INO80D: variants seen among roughly 807,000 people sequenced by gnomAD.
INO80D encodes the protein INO80 complex subunit D.
A neutral mutation model predicts 87.6 loss-of-function variants in INO80D; 21 were observed. The ratio of observed to expected loss-of-function variants is 0.24; its 90% CI spans 0.17 to 0.35. INO80D has a LOEUF of 0.35. Ranked by LOEUF, INO80D falls within the 10% of genes least tolerant of loss-of-function variation. The pLI, the probability that INO80D is intolerant of heterozygous loss-of-function variation, is 1.00. For missense variants in INO80D, 982 were observed against 1,280.7 expected (o/e 0.77, Z 3.56); for synonymous variants, 440 against 491.0 (o/e 0.90, Z 1.37).
At chr2:206,050,148 A>T (rs1172893772) in intron 4 of INO80D, among the ~76,000 whole-genome samples, 1 of 151,894 alleles carries the variant, frequency 6.6e-6, no homozygotes, top group Non-Finnish European at 1.5e-5. Context: ...AAGAAAAAAA[A>T]AATTTAAAAG....
At position 206,004,637 on chromosome 2, in the gene INO80D, G is replaced by C. The variant is rs368249003; in HGVS notation, c.2815C>G (p.Pro939Ala). 4 of 1,613,542 alleles carry C rather than the reference G, an allele frequency of 2.5e-6. No homozygotes were observed. Among genetic ancestry groups the C allele is most frequent in the Non-Finnish European group, 3.4e-6 (4 of 1,179,752 alleles). The change falls in exon 11 of 11, where the codon CCC becomes GCC. Residue 939 changes from proline (P) to alanine (A), a missense_variant. Coordinates refer to ENST00000403263, the MANE Select transcript of INO80D (RefSeq NM_017759.5). This position sits in a 1 kb window ranked among gnomAD's most constrained non-coding sequence, Gnocchi z 4.9. The stretch of plus-strand genomic sequence containing the variant: ...CCCGGAAGCACACTGGAGCTGCTGG[G>C]GGTCACGGTGGCGAAGGCAGGCTGT... ...TTQPAFATVT[P>A]SSSSVLPGLP... is the part of the protein sequence containing the mutation.
intron 5 of INO80D, among the ~76,000 whole-genome samples, chr2:206,032,491 G>A (rs939603904): frequency 3.3e-5 from 5 of 152,188 alleles, no homozygotes; most frequent in African/African-American, 1.2e-4. Context: ...CCATTGATCT[G>A]GGAGCCTTTG....
At position 205,995,465 on chromosome 2, in the gene INO80D, C is replaced by T. The variant is rs187437670; in HGVS notation, c.*8903G>A. The T allele has an allele frequency of 6.6e-6, 1 of 152,122 alleles. No individual in the cohort carries two copies. The highest frequency in any genetic ancestry group is 1.5e-5 in the Non-Finnish European group (1 of 67,988). 9.4% of individuals were successfully genotyped at this position (152,122 alleles called of 1,614,324 possible). ...AACTGCCACTGCAGTGACAATATTC[C>T]AGTAGGGGCAGCATTTTGCTAAATG... On this transcript the variant is annotated 3_prime_UTR_variant, in exon 11 of 11. Transcript: ENST00000403263.
In INO80D at chr2:205,993,985, T is replaced by C. The variant is rs551564857; in HGVS notation, c.*10383A>G. 39 of 152,302 alleles carry C rather than the reference T, an allele frequency of 2.6e-4. No individual in the cohort carries two copies. Among genetic ancestry groups the C allele is most frequent in the African/African-American group, 9.4e-4 (39 of 41,570 alleles). The allele number at this position is 152,302 out of a possible 1,614,324, so 9.4% of individuals were successfully genotyped here. A position where few individuals can be genotyped will look rare whatever the true frequency, so the allele number is the denominator to read the frequency against. ...TACAGTACATTCATTGAGATATATATGGAAAATGTGAGCCATCTCTTCTTG... is the reference window on the plus strand; with the variant it reads ...TACAGTACATTCATTGAGATATATACGGAAAATGTGAGCCATCTCTTCTTG... On this transcript the variant is annotated 3_prime_UTR_variant, in exon 11 of 11. Coordinates refer to ENST00000403263, the MANE Select transcript of INO80D (RefSeq NM_017759.5).
At chr2:206,057,847 T>C (rs1689567321) in intron 3 of INO80D, among the ~76,000 whole-genome samples, 1 of 151,910 alleles carries the variant, frequency 6.6e-6, no homozygotes, top group Non-Finnish European at 1.5e-5. Context: ...AAAAATGCTT[T>C]ATAGAATTCA....
intron 6 of INO80D, among the ~76,000 whole-genome samples, chr2:206,023,764 G>C (rs1390496765): frequency 6.6e-6 from 1 of 151,906 alleles, no homozygotes; most frequent in African/African-American, 2.4e-5. Flanking sequence ...GATGCACTGG[G>C]CCATAAACTT....
In INO80D at chr2:206,078,892, A is replaced by AAG. The variant is rs568728825; in HGVS notation, c.-124+7008_-124+7009insCT. 4.4e-4 allele frequency among the ~76,000 whole-genome samples: 67 copies of AAG among 152,226 alleles called. No homozygotes were observed. In the East Asian group the frequency reaches 0.01, roughly 23 times the overall value. ...TGGGAGGCAGAGATTGCAGTGAGCC[A>AAG]ATCGCACCACTGCACTCTAGGCTGG... is the stretch of plus-strand genomic sequence containing the variant. On this transcript the variant is annotated intron_variant, in intron 1 of 10. Coordinates refer to ENST00000403263, the MANE Select transcript of INO80D (RefSeq NM_017759.5).
At chr2:206,059,823 C>T (rs545625848) in intron 3 of INO80D, among the ~76,000 whole-genome samples, 3 of 152,276 alleles carry the variant, frequency 2.0e-5, no homozygotes, top group African/African-American at 7.2e-5. Flanking sequence ...AGAACAGATT[C>T]ACAAAGCAAT....
chr2:206,004,151 TG>T lies in INO80D; in HGVS notation c.*216del, dbSNP rs1687957138. 3 of 580,792 alleles carry T rather than the reference TG, an allele frequency of 5.2e-6. No individual in the cohort carries two copies. Among genetic ancestry groups the T allele is most frequent in the African/African-American group, 1.9e-5 (1 of 53,644 alleles). The allele number at this position is 580,792 out of a possible 1,614,324, so 36.0% of individuals were successfully genotyped here. On this transcript the variant is annotated 3_prime_UTR_variant, in exon 11 of 11. Coordinates refer to ENST00000403263, the MANE Select transcript of INO80D (RefSeq NM_017759.5). The surrounding 1 kb of genome is among the most constrained non-coding windows in gnomAD (Gnocchi z 4.9). Reference sequence around the variant, plus strand: ...CACTAAGGAAACCACTGGGGCGGAGTGGGCCTGCCAGGAGGGAATGAGCACC... The same window carrying T: ...CACTAAGGAAACCACTGGGGCGGAGTGGCCTGCCAGGAGGGAATGAGCACC...
chr2:206,066,836 AT>A (rs2105895608), intron 1 of INO80D, among the ~76,000 whole-genome samples: 2 of 151,806 alleles, frequency 1.3e-5, no homozygotes, highest in East Asian at 3.9e-4. Context: ...AAATTCTCTT[AT>A]TCACAGCAAT....
chr2:206,042,760 G>A (rs1199967335), intron 5 of INO80D, among the ~76,000 whole-genome samples: 2 of 151,832 alleles, frequency 1.3e-5, no homozygotes, highest in Non-Finnish European at 2.9e-5. Flanking sequence ...CAACGCAGGA[G>A]GACTCCTTGA....
At position 206,004,140 on chromosome 2, in the gene INO80D, C is replaced by T; in HGVS notation, c.*228G>A. ...CTGTGCTGAACCACTAAGGAAACCACTGGGGCGGAGTGGGCCTGCCAGGAG... is the reference window on the plus strand; with the variant it reads ...CTGTGCTGAACCACTAAGGAAACCATTGGGGCGGAGTGGGCCTGCCAGGAG... On this transcript the variant is annotated 3_prime_UTR_variant, in exon 11 of 11. Transcript: ENST00000403263. This position sits in a 1 kb window ranked among gnomAD's most constrained non-coding sequence, Gnocchi z 4.9. 1.7e-6 allele frequency: 1 copy of T among 576,016 alleles called. No homozygotes were observed. 35.7% of individuals were successfully genotyped at this position (576,016 alleles called of 1,614,324 possible).
In INO80D at chr2:206,028,332, T is replaced by C. The variant is rs765952863; in HGVS notation, c.1077A>G (p.Ser359=). 14 of 1,586,526 alleles carry C rather than the reference T, an allele frequency of 8.8e-6. No individual in the cohort carries two copies. Among genetic ancestry groups the C allele is most frequent in the South Asian group, 3.4e-5 (3 of 89,462 alleles). ...RETLRYQRHA[S]DDDDAESRSS... is the part of the protein sequence containing the mutation. ...TCCTACTCTCCGCATCATCATCATC[T>C]GACCTGGAAAGTGCAGGGAGAGAAA... Residue 359 remains serine, a synonymous_variant, in exon 6 of 11, where the codon TCA becomes TCG. Transcript: ENST00000403263.
chr2:206,052,463 G>C (rs1185184324), intron 4 of INO80D, among the ~76,000 whole-genome samples: 1 of 152,122 alleles, frequency 6.6e-6, no homozygotes, highest in African/African-American at 2.4e-5. Flanking sequence ...AAAGTGTTGG[G>C]ATTACAGGTG....
intron 1 of INO80D, among the ~76,000 whole-genome samples, chr2:206,069,551 G>A (rs1041397330): frequency 6.6e-6 from 1 of 151,922 alleles, no homozygotes; most frequent in Non-Finnish European, 1.5e-5. Context: ...TTCTAATGCA[G>A]ATTCTCAAAA....
chr2:206,026,598 A>G (rs1229082595), intron 6 of INO80D, among the ~76,000 whole-genome samples: 2 of 150,788 alleles, frequency 1.3e-5, no homozygotes, highest in African/African-American at 2.4e-5. Flanking sequence ...TATATAAAAA[A>G]CAAAATTGTG....
intron 8 of INO80D, 28 bp from the exon 9 acceptor site, chr2:206,009,822 A>G (rs1490563571): frequency 6.4e-7 from 1 of 1,551,720 alleles, no homozygotes; most frequent in Non-Finnish European, 8.8e-7. Flanking sequence ...AGGCTTTTAA[A>G]TTGAGATTAT....
At chr2:206,075,730 G>A (rs1690099122) in intron 1 of INO80D, among the ~76,000 whole-genome samples, 1 of 151,508 alleles carries the variant, frequency 6.6e-6, no homozygotes, top group African/African-American at 2.4e-5. Flanking sequence ...GAGCCACCGT[G>A]CCCAGTTCAT....
intron 3 of INO80D, among the ~76,000 whole-genome samples, chr2:206,060,979 T>G (rs907153821): frequency 6.6e-6 from 1 of 152,132 alleles, no homozygotes; most frequent in Non-Finnish European, 1.5e-5. Flanking sequence ...CTTCAGAGAA[T>G]ATTTTGAAGA....
Sources: gnomAD v4.1 joint callset for allele counts (sites outside exome capture counted in the v4.1 genomes callset) on GRCh38, gnomAD v4.1.1 for gene constraint, Gnocchi (gnomAD v3.1) non-coding constraint, MANE v1.5 for transcripts, NCBI Gene and HGNC (gene_info 2026-07-23, HGNC 2026-07-21) for gene names.